The following CADM1 variants were observed in gnomAD, a reference collection of about 807,000 sequenced individuals.
The protein encoded by CADM1 is TSLC-1.
Under a neutral mutation model 53.1 loss-of-function variants are expected in CADM1, and 15 were observed. The observed-to-expected ratio is 0.28, with a 90% CI of 0.19 to 0.44. The LOEUF is 0.44. Ranked by LOEUF, CADM1 falls within the 20% of genes least tolerant of loss-of-function variation. CADM1 has a pLI of 1.00. For missense variants in CADM1, 434 were observed against 611.3 expected, an observed-to-expected ratio of 0.71 and a Z score of 3.06; for synonymous variants, 281 against 243.0, an observed-to-expected ratio of 1.16 and a Z score of -1.45.
intron 1 of CADM1, among the ~76,000 whole-genome samples, chr11:115,317,546 G>A (rs370546545): frequency 4.6e-5 from 7 of 152,150 alleles, no homozygotes; most frequent in African/African-American, 1.7e-4. Context: ...TTACCATCAC[G>A]TGTTAAGTTT....
Position 115,203,992 on chromosome 11 carries a change from C to A in CADM1, c.1079-5554G>T, listed in dbSNP as rs139448875. Among the ~76,000 whole-genome samples the A allele has an allele frequency of 7.9e-5, 12 of 152,254 alleles. No homozygotes were observed. The East Asian group carries it at 1.9e-3, about 25-fold the overall frequency. On this transcript the variant is annotated intron_variant, in intron 8 of 11. Coordinates refer to ENST00000331581, the MANE Select transcript of CADM1 (RefSeq NM_001301043.2). ...TATTTACTAGTGCCCCCAAAATATT[C>A]TTGTCACTAGGTATACTGGCATATC...
At chr11:115,361,525 C>A (rs561625737) in intron 1 of CADM1, among the ~76,000 whole-genome samples, 1 of 152,212 alleles carries the variant, frequency 6.6e-6, no homozygotes, top group Non-Finnish European at 1.5e-5. Flanking sequence ...TGTATACAAG[C>A]CAGTATTTAT....
At chr11:115,312,179 G>A (rs1252527064) in intron 1 of CADM1, among the ~76,000 whole-genome samples, 2 of 152,148 alleles carry the variant, frequency 1.3e-5, no homozygotes, top group African/African-American at 4.8e-5. Flanking sequence ...CGGGAAAGGT[G>A]GCAATTGGTT....
At chr11:115,335,347 A>G (rs928049751) in intron 1 of CADM1, among the ~76,000 whole-genome samples, 6 of 152,188 alleles carry the variant, frequency 3.9e-5, no homozygotes, top group Non-Finnish European at 7.4e-5. Flanking sequence ...TTGCAAATCT[A>G]AAGTTTGGCT....
intron 1 of CADM1, among the ~76,000 whole-genome samples, chr11:115,367,079 T>C (rs1379413302): frequency 6.6e-6 from 1 of 152,192 alleles, no homozygotes; most frequent in Non-Finnish European, 1.5e-5. Context: ...CCAGGCACAA[T>C]GGCCATGTGC....
intron 1 of CADM1, among the ~76,000 whole-genome samples, chr11:115,262,956 T>C (rs1251055202): frequency 6.6e-6 from 1 of 152,268 alleles, no homozygotes; most frequent in Non-Finnish European, 1.5e-5. Flanking sequence ...AAGAGATGAA[T>C]GTTGGTACAA....
chr11:115,269,181 C>G (rs1943228236), intron 1 of CADM1, among the ~76,000 whole-genome samples: 1 of 152,146 alleles, frequency 6.6e-6, no homozygotes, highest in Non-Finnish European at 1.5e-5. Context: ...CAAATCCAGA[C>G]TAACCCAGTG....
chr11:115,437,486 A>G (rs1221897873), intron 1 of CADM1, among the ~76,000 whole-genome samples: 2 of 152,294 alleles, frequency 1.3e-5, no homozygotes, highest in African/African-American at 4.8e-5. Flanking sequence ...ACAAAAACAA[A>G]TCAGCGCAGG....
In CADM1 at chr11:115,182,334, T is replaced by G. The variant is rs575046182; in HGVS notation, c.1166-3559A>C. Among the ~76,000 whole-genome samples the G allele has an allele frequency of 9.6e-4, 146 of 152,340 alleles. 2 individuals carry two copies. Among genetic ancestry groups the G allele is most frequent in the Non-Finnish European group, 7.8e-4 (53 of 68,018 alleles). ...TAGAAAGCCATGTTTTCTTGTTCCC[T>G]AAGAGGCTACAAGTGTTCCTCTTAC... On this transcript the variant is annotated intron_variant, in intron 10 of 11. Transcript: ENST00000331581.
chr11:115,474,599 C>CA lies in CADM1; in HGVS notation c.124+29671dup, dbSNP rs1291946114. Among the ~76,000 whole-genome samples the CA allele has an allele frequency of 2.7e-5, 4 of 147,226 alleles. No individual in the cohort carries two copies. In the East Asian group the frequency reaches 6.1e-4, roughly 23 times the overall value. ...CATTCTCAGCAAACTATCACAAGGACAAAAAACCAAACACCGCATGCTCTC... is the reference window on the plus strand; with the variant it reads ...CATTCTCAGCAAACTATCACAAGGACAAAAAAACCAAACACCGCATGCTCTC... On this transcript the variant is annotated intron_variant, in intron 1 of 11. Transcript: ENST00000331581.
intron 1 of CADM1, among the ~76,000 whole-genome samples, chr11:115,474,109 A>G (rs1644234411): frequency 6.6e-6 from 1 of 151,796 alleles, no homozygotes; most frequent in Admixed American, 6.6e-5. Flanking sequence ...CCTGGCTAAT[A>G]TGGTAAAACC....
At chr11:115,384,946 G>A (rs1050481258) in intron 1 of CADM1, among the ~76,000 whole-genome samples, 2 of 152,010 alleles carry the variant, frequency 1.3e-5, no homozygotes, top group Admixed American at 6.6e-5. Context: ...ATGTTTTGGG[G>A]ACAATACAGC....
chr11:115,351,643 A>G (rs1368414785), intron 1 of CADM1, among the ~76,000 whole-genome samples: 1 of 152,214 alleles, frequency 6.6e-6, no homozygotes, highest in Non-Finnish European at 1.5e-5. Flanking sequence ...TGAGGCAGAG[A>G]GAAGCAATTC....
At position 115,407,873 on chromosome 11, in the gene CADM1, T is replaced by TAAAAA. The variant is rs148209064; in HGVS notation, c.124+96393_124+96397dup. Among the ~76,000 whole-genome samples the TAAAAA allele has an allele frequency of 2.2e-3, 69 of 31,748 alleles. 5 individuals carry two copies. The highest frequency in any genetic ancestry group is 5.1e-3 in the South Asian group (2 of 396). The allele number at this position is 31,748 out of a possible 152,430, so 20.8% of individuals were successfully genotyped here. ...AGAAGGAAAGTAAGACCCTGTCATT[T>TAAAAA]AAAAAAAAAAAAAAAAAAAAAAAAA... On this transcript the variant is annotated intron_variant, in intron 1 of 11. Coordinates refer to ENST00000331581, the MANE Select transcript of CADM1 (RefSeq NM_001301043.2).
intron 1 of CADM1, among the ~76,000 whole-genome samples, chr11:115,244,548 G>A (rs922384965): frequency 1.3e-5 from 2 of 152,198 alleles, no homozygotes; most frequent in South Asian, 2.1e-4. Flanking sequence ...CAGTATCCCC[G>A]CTTTAGAGAT....
chr11:115,429,885 G>A (rs558117749), intron 1 of CADM1, among the ~76,000 whole-genome samples: 36 of 152,204 alleles, frequency 2.4e-4, no homozygotes, highest in African/African-American at 7.2e-4. Flanking sequence ...CCCCAGACCC[G>A]GAGCAGTGTC....
At chr11:115,192,639 T>C (rs1192651339) in intron 9 of CADM1, among the ~76,000 whole-genome samples, 1 of 152,226 alleles carries the variant, frequency 6.6e-6, no homozygotes, top group Non-Finnish European at 1.5e-5. Flanking sequence ...CAAAGCGTCC[T>C]ACATATGTGC....
chr11:115,381,506 A>G (rs1346716931), intron 1 of CADM1, among the ~76,000 whole-genome samples: 1 of 152,144 alleles, frequency 6.6e-6, no homozygotes, highest in East Asian at 1.9e-4. Context: ...AAGCTTTGAA[A>G]TCAGATAAAC....
intron 1 of CADM1, among the ~76,000 whole-genome samples, chr11:115,271,571 C>A (rs1001129269): frequency 6.6e-6 from 1 of 152,166 alleles, no homozygotes; most frequent in Non-Finnish European, 1.5e-5. Flanking sequence ...CGTGAGCCAC[C>A]GCGCCCAGCC....
Sources: gnomAD v4.1 joint callset for allele counts (sites outside exome capture counted in the v4.1 genomes callset) on GRCh38, gnomAD v4.1.1 for gene constraint, MANE v1.5 for transcripts, NCBI Gene and HGNC (gene_info 2026-07-23, HGNC 2026-07-21) for gene names.